Variants in IQGAP2 observed in about 807,000 individuals in gnomAD.
IQGAP2 encodes ras GTPase-activating-like protein IQGAP2.
Under a neutral mutation model 201.3 loss-of-function variants are expected in IQGAP2, and 173 were observed. That is an observed-to-expected ratio of 0.86 (90% CI 0.76 to 0.98). IQGAP2 has a LOEUF of 0.98. IQGAP2 is among the 50% of genes least tolerant of loss of function. The pLI is 0.00. For missense variants in IQGAP2, 1,687 were observed against 1,864.8 expected, an observed-to-expected ratio of 0.90 and a Z score of 1.76; for synonymous variants, 675 against 673.9, an observed-to-expected ratio of 1.00 and a Z score of -0.03.
intron 2 of IQGAP2, among the ~76,000 whole-genome samples, chr5:76,549,500 G>C (rs188410529): frequency 6.6e-6 from 1 of 152,104 alleles, no homozygotes; most frequent in Admixed American, 6.6e-5. Flanking sequence ...ATTGGGTGAG[G>C]AATTTTAGAG....
chr5:76,592,548 A>G (rs1746733543), intron 8 of IQGAP2, among the ~76,000 whole-genome samples: 1 of 149,726 alleles, frequency 6.7e-6, no homozygotes, highest in African/African-American at 2.5e-5. Flanking sequence ...GGCACTATTC[A>G]ACTGTTTTTG....
chr5:76,433,863 T>C (rs1752512265), intron 1 of IQGAP2, among the ~76,000 whole-genome samples: 1 of 152,206 alleles, frequency 6.6e-6, no homozygotes, highest in South Asian at 2.1e-4. Flanking sequence ...ATTCTCATAG[T>C]CATCTTTACA....
chr5:76,458,936 G>A (rs1754260961), intron 1 of IQGAP2, among the ~76,000 whole-genome samples: 1 of 152,152 alleles, frequency 6.6e-6, no homozygotes, highest in Non-Finnish European at 1.5e-5. Flanking sequence ...TGGGCACCAT[G>A]AGGACACAAA....
intron 13 of IQGAP2, among the ~76,000 whole-genome samples, chr5:76,614,705 CTCTCAAGTAGCTGGGATTGTAGGCA>C (rs1469854531): frequency 6.7e-6 from 1 of 148,750 alleles, no homozygotes; most frequent in Non-Finnish European, 1.5e-5. Flanking sequence ...CCACCTCAGC[CTCTCAAGTAGCTGGGATTGTAGGCA>C]CAAGCCACCA....
At chr5:76,630,019 A>G (rs2095741981) in intron 14 of IQGAP2, among the ~76,000 whole-genome samples, 1 of 152,204 alleles carries the variant, frequency 6.6e-6, no homozygotes, top group African/African-American at 2.4e-5. Flanking sequence ...CACCCCTCAG[A>G]TAGACACTTT....
At chr5:76,687,502 G>C (rs571153085) in intron 30 of IQGAP2, among the ~76,000 whole-genome samples, 34 of 152,324 alleles carry the variant, frequency 2.2e-4, no homozygotes, top group Admixed American at 1.6e-3. Flanking sequence ...TGCAGGCAAG[G>C]AAACTAAAGT....
At position 76,631,934 on chromosome 5, in the gene IQGAP2, C is replaced by T; in HGVS notation, c.1688C>T (p.Ser563Phe). 6.2e-7 allele frequency: 1 copy of T among 1,612,478 alleles called. No individual in the cohort carries two copies. The highest frequency in any genetic ancestry group is 1.1e-5 in the South Asian group (1 of 90,900). Residue 563 changes from serine to phenylalanine, a missense_variant, in exon 15 of 36, where the codon TCT becomes TTT. Coordinates refer to ENST00000274364, the MANE Select transcript of IQGAP2 (RefSeq NM_006633.5). ...KSSDILSVLK[S>F]STSNANDIIP... ...AGTGATATTTTGTCTGTATTGAAGT[C>T]TTCCACTTCTAATGCAAATGACATA...
At chr5:76,429,581 T>A (rs1227061374) in intron 1 of IQGAP2, among the ~76,000 whole-genome samples, 3 of 120,928 alleles carry the variant, frequency 2.5e-5, no homozygotes, top group African/African-American at 8.5e-5. Context: ...CAAAAAAAAA[T>A]TTATATATAT....
chr5:76,637,252 G>C, intron 16 of IQGAP2, 76 bp downstream of exon 16: 1 of 1,192,446 alleles, frequency 8.4e-7, no homozygotes, highest in Non-Finnish European at 1.2e-6. Context: ...CTGAATCATG[G>C]AAGTGATGAG....
chr5:76,643,038 T>C (rs192195896), intron 17 of IQGAP2, among the ~76,000 whole-genome samples: 1 of 152,168 alleles, frequency 6.6e-6, no homozygotes, highest in East Asian at 1.9e-4. Context: ...AATCTGTTCA[T>C]AAACAAAAAA....
At chr5:76,624,000 A>G (rs1254586747) in intron 13 of IQGAP2, among the ~76,000 whole-genome samples, 2 of 138,314 alleles carry the variant, frequency 1.4e-5, no homozygotes, top group Non-Finnish European at 3.0e-5. Flanking sequence ...TTAGGGTCAG[A>G]TAACTGGAGG....
At chr5:76,522,548 A>G (rs1483890071) in intron 2 of IQGAP2, among the ~76,000 whole-genome samples, 4 of 152,138 alleles carry the variant, frequency 2.6e-5, no homozygotes, top group Non-Finnish European at 5.9e-5. Context: ...CGATGTTTAT[A>G]TTTATTTCTT....
intron 9 of IQGAP2, 157 bp from the exon 10 acceptor site, chr5:76,597,282 T>C (rs758107741): frequency 1.1e-5 from 7 of 663,014 alleles, no homozygotes; most frequent in African/African-American, 1.8e-5. Flanking sequence ...ATTACTGAGA[T>C]AACATTTTCA....
chr5:76,621,883 A>G (rs1232023144), intron 13 of IQGAP2, among the ~76,000 whole-genome samples: 2 of 152,194 alleles, frequency 1.3e-5, no homozygotes, highest in African/African-American at 4.8e-5. Context: ...TAATCCAAAG[A>G]GAATGAACTC....
rs115586992 is a variant in IQGAP2 at position 76,468,915 on chromosome 5, C to T, written c.146+7246C>T. 3.7e-3 allele frequency among the ~76,000 whole-genome samples: 560 copies of T among 152,292 alleles called. 5 individuals carry two copies. Among genetic ancestry groups the T allele is most frequent in the African/African-American group, 0.013 (533 of 41,570 alleles). ...GCTTCCACATCCAGGTCAAACTCAC[C>T]GATTAGAAGGCCTTTTGACATCACA... On this transcript the variant is annotated intron_variant, in intron 2 of 35. Transcript: ENST00000274364.
chr5:76,631,203 G>C (rs558823445), intron 14 of IQGAP2, among the ~76,000 whole-genome samples: 3 of 152,240 alleles, frequency 2.0e-5, no homozygotes, highest in African/African-American at 7.2e-5. Context: ...TGGAATTAAG[G>C]TGGGAAATAA....
chr5:76,612,137 T>C (rs1002877498), intron 13 of IQGAP2, among the ~76,000 whole-genome samples: 3 of 152,202 alleles, frequency 2.0e-5, no homozygotes, highest in African/African-American at 4.8e-5. Flanking sequence ...TTTGCCATCA[T>C]TATTGCCATC....
At chr5:76,667,157 TG>T in intron 22 of IQGAP2, among the ~76,000 whole-genome samples, 2 of 144,248 alleles carry the variant, frequency 1.4e-5, no homozygotes, top group Admixed American at 1.4e-4. Flanking sequence ...TTAGGAGGAA[TG>T]GTGAGTAGGC....
At chr5:76,503,222 G>A (rs1757391280) in intron 2 of IQGAP2, among the ~76,000 whole-genome samples, 1 of 139,008 alleles carries the variant, frequency 7.2e-6, no homozygotes, top group African/African-American at 2.7e-5. Context: ...TGCCCAGGCT[G>A]GAGTGCAATG....
Sources: gnomAD v4.1 joint callset for allele counts (sites outside exome capture counted in the v4.1 genomes callset) on GRCh38, gnomAD v4.1.1 for gene constraint, MANE v1.5 for transcripts, NCBI Gene and HGNC (gene_info 2026-07-23, HGNC 2026-07-21) for gene names.